The following KMT5B variants were observed in gnomAD, a reference collection of about 807,000 sequenced individuals.
The protein encoded by KMT5B is lysine methyltransferase 5B.
KMT5B carries 10 observed loss-of-function variants against 83.2 expected under a neutral mutation model. The observed-to-expected ratio is 0.12, with a 90% CI of 0.07 to 0.20. The LOEUF (loss-of-function observed/expected upper bound fraction) is 0.20, where lower values mean the gene tolerates loss of function less well. KMT5B is among the 10% of genes least tolerant of loss of function. The pLI, the probability that KMT5B is intolerant of heterozygous loss-of-function variation, is 1.00. For synonymous variants in KMT5B, 349 were observed against 388.8 expected (o/e 0.90, Z 1.20); for missense variants, 753 against 1,067.2 (o/e 0.71, Z 4.10).
Position 68,166,982 on chromosome 11 carries a change from T to C in KMT5B, c.1174A>G (p.Thr392Ala). 3 of 1,613,722 alleles carry C rather than the reference T, an allele frequency of 1.9e-6. No homozygotes were observed. Among genetic ancestry groups the C allele is most frequent in the South Asian group, 1.1e-5 (1 of 91,070 alleles). Residue 392 changes from threonine (T) to alanine (A), a missense_variant and splice_region_variant, in exon 10 of 11, where the codon ACT becomes GCT. Physicochemically the swap from Thr to Ala is moderately conservative, Grantham distance 58. Around this residue, in one of 9 missense-constraint regions of KMT5B, gnomAD observed 397 missense variants for 395.9 expected, o/e 1.00. Coordinates refer to ENST00000304363, the MANE Select transcript of KMT5B (RefSeq NM_017635.5). ...TGCTTATCAAATCTCCCTTACTTACTTGCATTGTTTTTTTCCTGAGTGGTA... is the reference window on the plus strand; with the variant it reads ...TGCTTATCAAATCTCCCTTACTTACCTGCATTGTTTTTTTCCTGAGTGGTA... The part of the protein sequence containing the change: ...ADTTQEKNNA[T>A]SNRKSSVGVK...
At chr11:68,166,690 A>G (rs1430816501) in intron 10 of KMT5B, 1 of 1,212,272 alleles carries the variant, frequency 8.2e-7, no homozygotes, top group Non-Finnish European at 1.0e-6. Context: ...AGTCTCTAAC[A>G]CCTTGAAAAT....
rs71461690 is a variant in KMT5B at position 68,181,075 on chromosome 11, CT to C, written c.309-876del. Among the ~76,000 whole-genome samples the C allele has an allele frequency of 3.7e-3, 538 of 143,600 alleles. 4 individuals carry two copies. The highest frequency in any genetic ancestry group is 9.0e-3 in the African/African-American group (356 of 39,762). 94.2% of individuals were successfully genotyped at this position (143,600 alleles called of 152,430 possible). ...ATTAAACATCTACTCTTTCTTTTTT[CT>C]TTTTTTTTTTTTTTTGGAGATAGAG... On this transcript the variant is annotated intron_variant, in intron 3 of 10. Coordinates refer to ENST00000304363, the MANE Select transcript of KMT5B (RefSeq NM_017635.5).
chr11:68,163,332 A>G (rs1422486863), intron 10 of KMT5B, among the ~76,000 whole-genome samples: 3 of 152,234 alleles, frequency 2.0e-5, no homozygotes, highest in African/African-American at 7.2e-5. Context: ...TAGCATGCCT[A>G]AGGTCATCCA....
At position 68,206,052 on chromosome 11, in the gene KMT5B, G is replaced by A. The variant is rs186271483; in HGVS notation, c.-77+7086C>T. On this transcript the variant is annotated intron_variant, in intron 1 of 10. Coordinates refer to ENST00000304363, the MANE Select transcript of KMT5B (RefSeq NM_017635.5). ...ATCACATTCAATACGTATTTACGACGAGGGATGTCATGTAAGAAAGACTTC... is the reference window on the plus strand; with the variant it reads ...ATCACATTCAATACGTATTTACGACAAGGGATGTCATGTAAGAAAGACTTC... Among the ~76,000 whole-genome samples, 7 of 152,256 alleles carry A rather than the reference G, an allele frequency of 4.6e-5. No homozygotes were observed. In the East Asian group the frequency reaches 1.3e-3, roughly 29 times the overall value.
Position 68,189,924 on chromosome 11 carries a change from C to A in KMT5B, c.153G>T (p.Ser51=). The A allele has an allele frequency of 6.2e-7, 1 of 1,613,928 alleles. No individual in the cohort carries two copies. Among genetic ancestry groups the A allele is most frequent in the Non-Finnish European group, 8.5e-7 (1 of 1,179,932 alleles). Reference sequence around the variant, plus strand: ...GTTTAAGTGTGTACATACATCTGTTCGACCTCCTCTCGACTGCATTTTTGC... The same window carrying A: ...GTTTAAGTGTGTACATACATCTGTTAGACCTCCTCTCGACTGCATTTTTGC... The part of the protein sequence containing the change: ...KAGKNAVERR[S]NRCNGNSGFE... Residue 51 remains serine, a synonymous_variant, in exon 2 of 11, where the codon TCG becomes TCT. Coordinates refer to ENST00000304363, the MANE Select transcript of KMT5B (RefSeq NM_017635.5).
chr11:68,185,999 G>A (rs767252199), intron 2 of KMT5B, 71 bp from the exon 3 acceptor site: 43 of 1,352,570 alleles, frequency 3.2e-5, no homozygotes, highest in African/African-American at 1.2e-4. Flanking sequence ...AATCTTTAGC[G>A]GCATTGCCCA....
At chr11:68,168,959 T>C (rs935059209) in intron 9 of KMT5B, among the ~76,000 whole-genome samples, 2 of 152,204 alleles carry the variant, frequency 1.3e-5, no homozygotes, top group Non-Finnish European at 2.9e-5. Flanking sequence ...AATAATGGAA[T>C]GAGCTCCTAG....
At chr11:68,199,171 A>C (rs1591051044) in intron 1 of KMT5B, among the ~76,000 whole-genome samples, 1 of 152,272 alleles carries the variant, frequency 6.6e-6, no homozygotes, top group Non-Finnish European at 1.5e-5. Flanking sequence ...TATATTCCAG[A>C]CACTGTTGCA....
At position 68,204,157 on chromosome 11, in the gene KMT5B, A is replaced by G. The variant is rs372255684; in HGVS notation, c.-77+8981T>C. On this transcript the variant is annotated intron_variant, in intron 1 of 10. Coordinates refer to ENST00000304363, the MANE Select transcript of KMT5B (RefSeq NM_017635.5). ...CCCACTGCCCTTTCAGAATAAAACG[A>G]TGGCCACAGACACCATCACTAAGTT... Among the ~76,000 whole-genome samples, 30 of 152,238 alleles carry G rather than the reference A, an allele frequency of 2.0e-4. No individual in the cohort carries two copies. The East Asian group carries it at 3.9e-3, about 20-fold the overall frequency.
chr11:68,162,563 T>C (rs1398115583), intron 10 of KMT5B, among the ~76,000 whole-genome samples: 1 of 152,160 alleles, frequency 6.6e-6, no homozygotes, highest in African/African-American at 2.4e-5. Flanking sequence ...CCTTGGTACT[T>C]CTTATTTTCA....
chr11:68,197,918 A>T (rs1858915478), intron 1 of KMT5B, among the ~76,000 whole-genome samples: 1 of 152,188 alleles, frequency 6.6e-6, no homozygotes, highest in South Asian at 2.1e-4. Flanking sequence ...TTTGGGGGCT[A>T]TTTAAAAAAA....
At chr11:68,180,051 A>G in intron 4 of KMT5B, 81 bp downstream of exon 4, 1 of 1,440,444 alleles carries the variant, frequency 6.9e-7, no homozygotes, top group South Asian at 1.4e-5. Context: ...TGACACTTCA[A>G]ATTACTTAAC....
intron 5 of KMT5B, chr11:68,174,315 T>C (rs1856137173): frequency 3.0e-6 from 1 of 335,986 alleles, no homozygotes. Context: ...TTTGCAATAT[T>C]TGCATTACAG....
intron 1 of KMT5B, among the ~76,000 whole-genome samples, chr11:68,210,606 A>G (rs1359974187): frequency 6.6e-6 from 1 of 152,190 alleles, no homozygotes; most frequent in African/African-American, 2.4e-5. Context: ...ACTTCTATAC[A>G]GCAGTCATCA....
Position 68,167,015 on chromosome 11 carries a change from C to G in KMT5B, c.1141G>C (p.Asp381His), listed in dbSNP as rs771410969. The G allele has an allele frequency of 6.2e-7, 1 of 1,614,094 alleles. No individual in the cohort carries two copies. The highest frequency in any genetic ancestry group is 1.7e-5 in the Admixed American group (1 of 60,012). Residue 381 changes from aspartate (D) to histidine (H), a missense_variant, in exon 10 of 11, where the codon GAT becomes CAT. Around this residue, in one of 9 missense-constraint regions of KMT5B, gnomAD observed 397 missense variants for 395.9 expected, o/e 1.00. Transcript: ENST00000304363. ...SDSQSVSSNTDADTTQEKNNA... is the reference protein window; with the variant it reads ...SDSQSVSSNTHADTTQEKNNA... ...TTTTTTTCCTGAGTGGTATCTGCATCAGTGTTAGAGCTGACAGATTGACTG... is the reference window on the plus strand; with the variant it reads ...TTTTTTTCCTGAGTGGTATCTGCATGAGTGTTAGAGCTGACAGATTGACTG...
rs559065766 is a variant in KMT5B at position 68,164,823 on chromosome 11, T to C, written c.1174+2159A>G. On this transcript the variant is annotated intron_variant, in intron 10 of 10. Transcript: ENST00000304363. ...CTTGAAAGCCTGTGCCTCCAGTTTG[T>C]TCTGCTTACTTGTGCACCTGTCTTA... 2.0e-5 allele frequency: 9 copies of C among 442,770 alleles called. No individual in the cohort carries two copies. In the East Asian group the frequency reaches 2.8e-4, roughly 14 times the overall value. The allele number at this position is 442,770 out of a possible 1,614,324, so 27.4% of individuals were successfully genotyped here.
intron 10 of KMT5B, chr11:68,166,713 TGATGA>T: frequency 7.8e-7 from 1 of 1,280,852 alleles, no homozygotes; most frequent in Middle Eastern, 3.1e-4. Context: ...TTAAAACATA[TGATGA>T]CCTTGGAACA....
At chr11:68,163,122 A>G (rs1855000151) in intron 10 of KMT5B, among the ~76,000 whole-genome samples, 2 of 152,196 alleles carry the variant, frequency 1.3e-5, no homozygotes, top group African/African-American at 4.8e-5. Flanking sequence ...TGGCACTTAT[A>G]TGCCTCGTAT....
chr11:68,165,714 A>G, intron 10 of KMT5B: 1 of 1,377,184 alleles, frequency 7.3e-7, no homozygotes, highest in Non-Finnish European at 9.4e-7. Context: ...CTCAGAAAAC[A>G]AATGGTCGTT....
Sources: gnomAD v4.1 joint callset for allele counts (sites outside exome capture counted in the v4.1 genomes callset) on GRCh38, gnomAD v4.1.1 for gene constraint, gnomAD v4.1.1 regional missense constraint, MANE v1.5 for transcripts, NCBI Gene and HGNC (gene_info 2026-07-23, HGNC 2026-07-21) for gene names.